RPS6KC1: variants seen among roughly 807,000 people sequenced by gnomAD.
RPS6KC1 encodes the protein ribosomal protein S6 kinase C1.
A neutral mutation model predicts 103.8 loss-of-function variants in RPS6KC1; 54 were observed. That is an observed-to-expected ratio of 0.52 (90% CI 0.42 to 0.65). The LOEUF is 0.65. Among genes scored for constraint, RPS6KC1 ranks in the 30% least tolerant of loss-of-function variants. RPS6KC1 has a pLI of 0.00. For synonymous variants in RPS6KC1, 439 were observed against 438.7 expected (o/e 1.00, Z -0.01); for missense variants, 1,151 against 1,253.8 (o/e 0.92, Z 1.24).
chr1:213,593,215 A>G, the RPS6KC1 span, among the ~76,000 whole-genome samples: 1 of 146,138 alleles, frequency 6.8e-6, no homozygotes, highest in Non-Finnish European at 1.5e-5. Flanking sequence ...TTTACAGGCC[A>G]GGCTGAGAAA....
At chr1:213,794,578 TAAA>T in the RPS6KC1 span, 1 of 152,154 alleles carries the variant, frequency 6.6e-6, no homozygotes, top group Non-Finnish European at 1.5e-5. Context: ...AAAATTCCAT[TAAA>T]AAATCACTCC....
the RPS6KC1 span, among the ~76,000 whole-genome samples, chr1:213,555,919 C>A: frequency 6.6e-6 from 1 of 152,314 alleles, no homozygotes; most frequent in Admixed American, 6.5e-5. Context: ...AGTTTCTTCA[C>A]CTCTGTGGCC....
chr1:213,075,574 A>C (rs748560859), intron 2 of RPS6KC1, among the ~76,000 whole-genome samples: 8 of 152,150 alleles, frequency 5.3e-5, no homozygotes, highest in Non-Finnish European at 1.0e-4. Context: ...ACGAGCTCCT[A>C]AGTCAAATGT....
At chr1:213,733,746 C>T in the RPS6KC1 span, among the ~76,000 whole-genome samples, 1 of 152,174 alleles carries the variant, frequency 6.6e-6, no homozygotes, top group African/African-American at 2.4e-5. Context: ...TGAAGCCATT[C>T]TGCATAACTC....
At chr1:213,501,363 TAAAC>T in the RPS6KC1 span, among the ~76,000 whole-genome samples, 3 of 152,234 alleles carry the variant, frequency 2.0e-5, no homozygotes, top group African/African-American at 4.8e-5. Flanking sequence ...ACTCATTTCA[TAAAC>T]AAACTCCCAG....
At chr1:213,816,410 G>A in the RPS6KC1 span, among the ~76,000 whole-genome samples, 5 of 152,170 alleles carry the variant, frequency 3.3e-5, no homozygotes, top group East Asian at 3.9e-4. Context: ...ACTGTGTTTC[G>A]AAGACCACCA....
the RPS6KC1 span, among the ~76,000 whole-genome samples, chr1:213,566,476 T>G: frequency 7.2e-5 from 7 of 97,760 alleles, no homozygotes; most frequent in African/African-American, 1.5e-4. Flanking sequence ...TTTTTTTTTT[T>G]TTTTTTTTTT....
chr1:213,483,000 G>C, the RPS6KC1 span, among the ~76,000 whole-genome samples: 4 of 152,098 alleles, frequency 2.6e-5, no homozygotes, highest in Non-Finnish European at 4.4e-5. Context: ...CCTACACAAA[G>C]TGATTTGGAA....
chr1:213,425,622 G>A, the RPS6KC1 span, among the ~76,000 whole-genome samples: 1 of 152,270 alleles, frequency 6.6e-6, no homozygotes, highest in East Asian at 1.9e-4. Context: ...ACGGCAAGGC[G>A]CACACCCAGC....
intron 6 of RPS6KC1, among the ~76,000 whole-genome samples, chr1:213,138,756 C>T (rs181035034): frequency 1.1e-4 from 17 of 152,166 alleles, no homozygotes; most frequent in South Asian, 2.1e-4. Context: ...TCCAGTTCAC[C>T]GTTGATGGGC....
chr1:213,448,045 G>A, the RPS6KC1 span, among the ~76,000 whole-genome samples: 1 of 151,790 alleles, frequency 6.6e-6, no homozygotes, highest in African/African-American at 2.4e-5. Context: ...ACCTGCCTGG[G>A]AATATAGTGA....
At chr1:213,692,482 G>T in the RPS6KC1 span, among the ~76,000 whole-genome samples, 1 of 152,096 alleles carries the variant, frequency 6.6e-6, no homozygotes. Flanking sequence ...AGATTCAAGC[G>T]TATGGTTTGA....
the RPS6KC1 span, among the ~76,000 whole-genome samples, chr1:213,754,131 A>G: frequency 9.1e-3 from 1,386 of 152,316 alleles, 23 homozygotes; most frequent in African/African-American, 0.032. Context: ...ACAAAACATC[A>G]TAGACCAGGT....
At chr1:213,299,567 A>AT in the RPS6KC1 span, among the ~76,000 whole-genome samples, 13 of 151,816 alleles carry the variant, frequency 8.6e-5, no homozygotes, top group African/African-American at 3.1e-4. Flanking sequence ...AAAAAAAAAA[A>AT]AAAATATGTC....
At chr1:213,629,454 C>T in the RPS6KC1 span, among the ~76,000 whole-genome samples, 1 of 152,112 alleles carries the variant, frequency 6.6e-6, no homozygotes, top group South Asian at 2.1e-4. Flanking sequence ...TCCTCCATCC[C>T]TTTATTTTGA....
rs139077988 is a variant in RPS6KC1, at chr1:213,167,680, A to G, written c.836-178A>G. 2.5e-4 allele frequency among the ~76,000 whole-genome samples: 38 copies of G among 152,324 alleles called. No homozygotes were observed. In the East Asian group the frequency reaches 3.9e-3, roughly 15 times the overall value. ...GTTAGAATTTGGATAAATGAAATCA[A>G]TGGGGGGTAATAGTTAGACTTGGTT... is the stretch of plus-strand genomic sequence containing the variant. On this transcript the variant is annotated intron_variant, in intron 6 of 14. Transcript: ENST00000366960.
the RPS6KC1 span, among the ~76,000 whole-genome samples, chr1:213,594,569 A>G: frequency 1.3e-5 from 2 of 152,294 alleles, no homozygotes; most frequent in Non-Finnish European, 2.9e-5. Context: ...AAGGCCCTCA[A>G]GTAGTGATTA....
At chr1:213,230,410 C>G (rs2094065133) in intron 8 of RPS6KC1, 87 bp from the exon 9 acceptor site, 2 of 940,264 alleles carry the variant, frequency 2.1e-6, no homozygotes, top group Non-Finnish European at 3.2e-6. Flanking sequence ...AATTTCAGCC[C>G]TGCCCTACTC....
the RPS6KC1 span, among the ~76,000 whole-genome samples, chr1:213,563,630 A>T: frequency 6.6e-6 from 1 of 152,182 alleles, no homozygotes; most frequent in East Asian, 1.9e-4. Context: ...TAAACTTAAC[A>T]TTATATCCTG....
Sources: allele counts gnomAD v4.1 joint callset (sites outside exome capture counted in the v4.1 genomes callset), GRCh38; gene constraint gnomAD v4.1.1; transcripts MANE v1.5; gene names NCBI Gene and HGNC (gene_info 2026-07-23, HGNC 2026-07-21).